Variants in TTC28 observed in about 807,000 individuals in gnomAD.
TTC28 encodes the protein tetratricopeptide repeat protein 28.
In TTC28, 61 loss-of-function variants were observed where a neutral mutation model predicts 198.0. The ratio of observed to expected loss-of-function variants is 0.31; its 90% CI spans 0.25 to 0.38. TTC28 has a LOEUF of 0.38. Among genes scored for constraint, TTC28 ranks in the 10% least tolerant of loss-of-function variants. The probability of loss-of-function intolerance (pLI) is 1.00; values close to 1 mark genes in which losing one functional copy is unlikely to be tolerated. For synonymous variants in TTC28, 1,171 were observed against 1,297.8 expected, an observed-to-expected ratio of 0.90 and a Z score of 2.10; for missense variants, 2,678 against 3,164.0, an observed-to-expected ratio of 0.85 and a Z score of 3.69.
At chr22:28,553,054 G>A (rs2049713981) in intron 2 of TTC28, among the ~76,000 whole-genome samples, 1 of 152,196 alleles carries the variant, frequency 6.6e-6, no homozygotes, top group African/African-American at 2.4e-5. Context: ...CTCCCGAGGT[G>A]CCGGGATTGC....
chr22:28,529,685 G>T (rs572725123), intron 2 of TTC28, among the ~76,000 whole-genome samples: 1 of 152,288 alleles, frequency 6.6e-6, no homozygotes, highest in Admixed American at 6.5e-5. Context: ...CATACAGCCA[G>T]GTGCCCCTAC....
intron 2 of TTC28, among the ~76,000 whole-genome samples, chr22:28,486,801 T>A (rs1487981049): frequency 6.6e-6 from 1 of 152,172 alleles, no homozygotes; most frequent in Non-Finnish European, 1.5e-5. Flanking sequence ...AGGTACAAAA[T>A]GAAGGATACA....
At chr22:28,577,181 ATTTGT>A (rs1016847993) in intron 2 of TTC28, among the ~76,000 whole-genome samples, 25 of 151,904 alleles carry the variant, frequency 1.6e-4, no homozygotes, top group African/African-American at 5.1e-4. Context: ...CCATTTTCAC[ATTTGT>A]TTTGAGAAAT....
At chr22:28,351,489 A>G (rs959652890) in intron 2 of TTC28, among the ~76,000 whole-genome samples, 6 of 152,324 alleles carry the variant, frequency 3.9e-5, no homozygotes, top group South Asian at 2.1e-4. Context: ...AATTGAAGAC[A>G]AAATAATGAA....
intron 5 of TTC28, among the ~76,000 whole-genome samples, chr22:28,247,442 T>C (rs1395861815): frequency 6.6e-6 from 1 of 152,202 alleles, no homozygotes; most frequent in East Asian, 1.9e-4. Flanking sequence ...CCTACGCTGC[T>C]TGAGGCACTG....
intron 12 of TTC28, among the ~76,000 whole-genome samples, chr22:28,083,327 T>C (rs1254058857): frequency 6.6e-6 from 1 of 152,064 alleles, no homozygotes; most frequent in East Asian, 1.9e-4. Context: ...GTGGTTGAAA[T>C]ACAGTATTCA....
intron 22 of TTC28, among the ~76,000 whole-genome samples, chr22:27,984,282 G>A (rs532742400): frequency 1.3e-5 from 2 of 152,018 alleles, no homozygotes; most frequent in East Asian, 1.9e-4. Context: ...TGGCATCACC[G>A]ACACTCGCTC....
chr22:28,141,165 T>C (rs1056616763), intron 6 of TTC28, among the ~76,000 whole-genome samples: 3 of 152,174 alleles, frequency 2.0e-5, no homozygotes, highest in Non-Finnish European at 4.4e-5. Context: ...TGCTCAAACA[T>C]TACCTCCTTA....
rs754700795 is a variant in TTC28, at chr22:28,243,174, C to CAAAAAAAAAAAAAAAAAAAAAAAA, written c.933+53000_933+53023dup. 4.1e-4 allele frequency among the ~76,000 whole-genome samples: 28 copies of CAAAAAAAAAAAAAAAAAAAAAAAA among 68,330 alleles called. 2 individuals are homozygous for CAAAAAAAAAAAAAAAAAAAAAAAA. Among genetic ancestry groups the CAAAAAAAAAAAAAAAAAAAAAAAA allele is most frequent in the East Asian group, 6.2e-4 (1 of 1,612 alleles). 44.8% of individuals were successfully genotyped at this position (68,330 alleles called of 152,430 possible). On this transcript the variant is annotated intron_variant, in intron 5 of 22. Transcript: ENST00000397906. ...GCAACCTGGCAAAACCCCCTCTCTACAAAAAAAAAAAAAAAAAAAAAAAAA... is the reference window on the plus strand; with the variant it reads ...GCAACCTGGCAAAACCCCCTCTCTACAAAAAAAAAAAAAAAAAAAAAAAAAAAAAAAAAAAAAAAAAAAAAAAAA...
chr22:28,040,633 C>T (rs750555950), intron 12 of TTC28, among the ~76,000 whole-genome samples: 11 of 152,036 alleles, frequency 7.2e-5, no homozygotes, highest in Admixed American at 2.0e-4. Context: ...AATACCATAC[C>T]GAATGGGCAA....
At chr22:28,656,896 T>TA (rs2051666525) in intron 1 of TTC28, among the ~76,000 whole-genome samples, 1 of 152,176 alleles carries the variant, frequency 6.6e-6, no homozygotes, top group African/African-American at 2.4e-5. Flanking sequence ...CCCTAGAACT[T>TA]AAAGTATAAT....
At chr22:28,062,596 G>A (rs896538340) in intron 12 of TTC28, among the ~76,000 whole-genome samples, 3 of 151,866 alleles carry the variant, frequency 2.0e-5, no homozygotes, top group African/African-American at 7.3e-5. Context: ...AGCCTCCCAA[G>A]AAGCTGAGAA....
intron 6 of TTC28, among the ~76,000 whole-genome samples, chr22:28,114,579 A>ATTT (rs68190158): frequency 7.2e-6 from 1 of 138,964 alleles, no homozygotes; most frequent in Non-Finnish European, 1.6e-5. Flanking sequence ...AAAGGTATAG[A>ATTT]TTTTTTTTTT....
chr22:28,039,607 C>T (rs985484241), intron 12 of TTC28, among the ~76,000 whole-genome samples: 4 of 152,062 alleles, frequency 2.6e-5, no homozygotes, highest in Non-Finnish European at 2.9e-5. Context: ...CAACATGGCA[C>T]ATGTATACAT....
intron 2 of TTC28, among the ~76,000 whole-genome samples, chr22:28,410,095 T>C (rs1471490989): frequency 6.6e-6 from 1 of 151,374 alleles, no homozygotes; most frequent in Admixed American, 6.6e-5. Flanking sequence ...TTGATTTTTG[T>C]ATTTTTTGTA....
At chr22:28,204,366 G>A (rs775590738) in intron 5 of TTC28, among the ~76,000 whole-genome samples, 1 of 152,174 alleles carries the variant, frequency 6.6e-6, no homozygotes, top group Non-Finnish European at 1.5e-5. Context: ...CAATATCTCT[G>A]TCTAAACGGT....
At chr22:28,000,814 G>T (rs541182667) in intron 15 of TTC28, 1 of 152,774 alleles carries the variant, frequency 6.5e-6, no homozygotes, top group African/African-American at 2.4e-5. Context: ...ATTTTTGGGC[G>T]TTTTTTTCCA....
intron 2 of TTC28, among the ~76,000 whole-genome samples, chr22:28,604,119 A>G (rs2050686179): frequency 6.6e-6 from 1 of 151,432 alleles, no homozygotes; most frequent in African/African-American, 2.4e-5. Flanking sequence ...CTCTACTAAA[A>G]ATACAAAAAT....
At chr22:27,993,982 C>A (rs943218995) in intron 17 of TTC28, among the ~76,000 whole-genome samples, 8 of 152,220 alleles carry the variant, frequency 5.3e-5, no homozygotes. Flanking sequence ...CAGCCTTGGT[C>A]CCTCCGCACT....
Sources: gnomAD v4.1 joint callset for allele counts (sites outside exome capture counted in the v4.1 genomes callset) on GRCh38, gnomAD v4.1.1 for gene constraint, MANE v1.5 for transcripts, NCBI Gene and HGNC (gene_info 2026-07-23, HGNC 2026-07-21) for gene names.